Variants in MYOF observed in about 807,000 individuals in gnomAD.
The protein encoded by MYOF is fer-1-like 3, myoferlin.
Under a neutral mutation model 284.2 loss-of-function variants are expected in MYOF, and 244 were observed. The observed-to-expected ratio is 0.86, with a 90% CI of 0.77 to 0.95. The LOEUF is 0.95. MYOF is among the 40% of genes least tolerant of loss of function. MYOF has a pLI of 0.00. For missense variants in MYOF, 2,496 were observed against 2,560.6 expected (o/e 0.97, Z 0.54); for synonymous variants, 904 against 919.7 (o/e 0.98, Z 0.31).
intron 7 of MYOF, among the ~76,000 whole-genome samples, chr10:93,406,766 C>T (rs1002213901): frequency 6.6e-6 from 1 of 151,868 alleles, no homozygotes; most frequent in Non-Finnish European, 1.5e-5. Flanking sequence ...TTCTGCAGAG[C>T]TGGAAGCCAG....
chr10:93,426,955 C>G (rs577684296), intron 4 of MYOF, among the ~76,000 whole-genome samples: 1 of 139,816 alleles, frequency 7.2e-6, no homozygotes, highest in African/African-American at 2.6e-5. Context: ...GGCGCAATCT[C>G]GGCTCACTGC....
chr10:93,384,507 G>A (rs701853), intron 19 of MYOF, among the ~76,000 whole-genome samples: 108,905 of 151,830 alleles, frequency 0.72, 39,311 homozygotes, highest in East Asian at 0.98. Context: ...AGCTGGGCAT[G>A]GTGAGAGGTG....
intron 16 of MYOF, 90 bp downstream of exon 16, chr10:93,396,052 A>G (rs1846990325): frequency 1.0e-6 from 1 of 972,378 alleles, no homozygotes; most frequent in East Asian, 2.5e-5. Context: ...AACCAAACCT[A>G]CTGTGAGGTG....
chr10:93,470,221 T>A (rs2057108060), intron 1 of MYOF, among the ~76,000 whole-genome samples: 1 of 118,058 alleles, frequency 8.5e-6, no homozygotes. Context: ...AGAGCGAGAC[T>A]CCATCTCAAA....
intron 22 of MYOF, among the ~76,000 whole-genome samples, chr10:93,375,870 G>A (rs2133981116): frequency 6.6e-6 from 1 of 152,302 alleles, no homozygotes; most frequent in Middle Eastern, 3.4e-3. Context: ...GAATGGCTGA[G>A]CTAGAGCCAG....
At chr10:93,309,547 T>C (rs1007497264) in intron 53 of MYOF, among the ~76,000 whole-genome samples, 7 of 152,052 alleles carry the variant, frequency 4.6e-5, no homozygotes, top group African/African-American at 1.7e-4. Flanking sequence ...TCCAGATAGG[T>C]AAGGGCAATA....
At chr10:93,352,870 T>C (rs371216124) in intron 32 of MYOF, among the ~76,000 whole-genome samples, 32 of 152,298 alleles carry the variant, frequency 2.1e-4, no homozygotes, top group African/African-American at 7.5e-4. Context: ...AAAGACCCTG[T>C]TGGAGATGTA....
chr10:93,479,621 A>G (rs752550461), intron 1 of MYOF, among the ~76,000 whole-genome samples: 1 of 152,166 alleles, frequency 6.6e-6, no homozygotes, highest in African/African-American at 2.4e-5. Flanking sequence ...ATTAGAATCT[A>G]AAAGACGGAA....
At chr10:93,395,379 G>A (rs998553353) in intron 16 of MYOF, among the ~76,000 whole-genome samples, 1 of 152,200 alleles carries the variant, frequency 6.6e-6, no homozygotes, top group African/African-American at 2.4e-5. Context: ...GGAGGCAGAC[G>A]TTGCAGCGAG....
intron 3 of MYOF, among the ~76,000 whole-genome samples, chr10:93,435,906 A>AAATAATAAT (rs35316662): frequency 4.0e-5 from 6 of 149,020 alleles, no homozygotes; most frequent in Non-Finnish European, 5.9e-5. Context: ...CTTGTCTCAA[A>AAATAATAAT]AATAATAATA....
chr10:93,378,693 G>GTGTATATATATATATATATA, intron 21 of MYOF, among the ~76,000 whole-genome samples: 6 of 87,890 alleles, frequency 6.8e-5, no homozygotes, highest in Non-Finnish European at 6.3e-5. Context: ...GTGTGTGTGT[G>GTGTATATATATATATATATA]TATATATATA....
Position 93,344,021 on chromosome 10 carries a change from G to C in MYOF, c.4250-89C>G, listed in dbSNP as rs1409393399. 1.8e-5 allele frequency: 25 copies of C among 1,391,334 alleles called. No homozygotes were observed. In the East Asian group the frequency reaches 5.9e-4, roughly 33 times the overall value. 86.2% of individuals were successfully genotyped at this position (1,391,334 alleles called of 1,614,324 possible). On this transcript the variant is annotated intron_variant, in intron 37 of 53. Transcript: ENST00000359263. The stretch of plus-strand genomic sequence containing the variant: ...CCAAGTTCAAGTTTAACAGCCATAG[G>C]GTGGATGGTAGAGTTTATTCTTGGA...
At chr10:93,323,235 G>A (rs763562220) in intron 47 of MYOF, 35 bp downstream of exon 47, 4 of 1,613,390 alleles carry the variant, frequency 2.5e-6, no homozygotes, top group South Asian at 1.1e-5. Context: ...CCCCAGCCCA[G>A]TGTATGTATC....
At chr10:93,382,283 G>T (rs1351408001) in intron 19 of MYOF, among the ~76,000 whole-genome samples, 1 of 151,638 alleles carries the variant, frequency 6.6e-6, no homozygotes, top group Non-Finnish European at 1.5e-5. Flanking sequence ...CTGTCACCTA[G>T]GTTGGAGTGC....
At position 93,336,066 on chromosome 10, in the gene MYOF, T is replaced by A. The variant is rs947559184; in HGVS notation, c.4438-20A>T. On this transcript the variant is annotated intron_variant, in intron 40 of 53. Transcript: ENST00000359263. ...ATATATCTGAAAACCACCAACAGAGTCTTAATTTCTCATTAAAATGCAGGT... is the reference window on the plus strand; with the variant it reads ...ATATATCTGAAAACCACCAACAGAGACTTAATTTCTCATTAAAATGCAGGT... 1.6e-5 allele frequency: 25 copies of A among 1,608,762 alleles called. 1 individual carries two copies. Among genetic ancestry groups the A allele is most frequent in the African/African-American group, 1.2e-4 (9 of 74,588 alleles).
intron 27 of MYOF, among the ~76,000 whole-genome samples, chr10:93,363,233 T>C (rs931899509): frequency 2.6e-5 from 4 of 152,380 alleles, no homozygotes; most frequent in South Asian, 2.1e-4. Context: ...AAGGAAGTTA[T>C]ATCCTTGTTT....
At chr10:93,310,289 C>A in intron 52 of MYOF, 122 bp from the exon 53 acceptor site, 1 of 1,274,220 alleles carries the variant, frequency 7.8e-7, no homozygotes, top group South Asian at 1.5e-5. Context: ...AAATACTGTT[C>A]CCCTTCGTTG....
intron 29 of MYOF, among the ~76,000 whole-genome samples, chr10:93,358,201 C>G (rs1192530030): frequency 6.6e-6 from 1 of 152,080 alleles, no homozygotes; most frequent in Non-Finnish European, 1.5e-5. Context: ...TGAAAAAAAG[C>G]TCAACATCAC....
intron 3 of MYOF, among the ~76,000 whole-genome samples, chr10:93,435,244 C>T (rs2134234214): frequency 6.6e-6 from 1 of 152,278 alleles, no homozygotes; most frequent in African/African-American, 2.4e-5. Context: ...ATAAACAAAT[C>T]TTAGAACAAA....
Sources: gnomAD v4.1 joint callset for allele counts (sites outside exome capture counted in the v4.1 genomes callset) on GRCh38, gnomAD v4.1.1 for gene constraint, MANE v1.5 for transcripts, NCBI Gene and HGNC (gene_info 2026-07-23, HGNC 2026-07-21) for gene names.